PLA2G6: variants seen among roughly 807,000 people sequenced by gnomAD.
PLA2G6 encodes 85/88 kDa calcium-independent phospholipase A2.
PLA2G6 carries 62 observed loss-of-function variants against 83.8 expected under a neutral mutation model. The observed-to-expected ratio is 0.74, with a 90% confidence interval of 0.60 to 0.91. The LOEUF (loss-of-function observed/expected upper bound fraction) is 0.91. PLA2G6 is among the 40% of genes least tolerant of loss of function. The pLI is 0.00. For synonymous variants in PLA2G6, 417 were observed against 449.8 expected (o/e 0.93, Z 0.92); for missense variants, 944 against 1,102.0 (o/e 0.86, Z 2.03).
intron 1 of PLA2G6, chr22:38,180,420 C>T (rs1428485092): frequency 6.6e-6 from 1 of 152,168 alleles, no homozygotes; most frequent in Non-Finnish European, 1.5e-5. Flanking sequence ...CTCTTTTTCT[C>T]ATGTGAAGTG....
intron 4 of PLA2G6, chr22:38,142,365 G>C (rs554258144): frequency 2.9e-4 from 44 of 152,768 alleles, no homozygotes; most frequent in African/African-American, 1.0e-3. Context: ...ATATGAAATA[G>C]CTATTTAATA....
Position 38,145,539 on chromosome 22 carries a change from C to A in PLA2G6, c.324G>T (p.Gln108His). The change falls in exon 3 of 17, where the codon CAG (glutamine) becomes CAT (histidine). Residue 108 changes from glutamine (Q) to histidine (H), a missense_variant. By Grantham distance (24) the Gln-to-His change is conservative. Transcript: ENST00000332509. ...GGTTACGGATGAGGTCGGTCAGGTGCTGCAGGACCTCAGTGTGCAGGACCT... is the reference window on the plus strand; with the variant it reads ...GGTTACGGATGAGGTCGGTCAGGTGATGCAGGACCTCAGTGTGCAGGACCT... ...SPQVLHTEVL[Q>H]HLTDLIRNHP... 1 of 1,613,784 alleles carries A rather than the reference C, an allele frequency of 6.2e-7. No individual in the cohort carries two copies. Among genetic ancestry groups the A allele is most frequent in the Non-Finnish European group, 8.5e-7 (1 of 1,179,912 alleles).
intron 1 of PLA2G6, among the ~76,000 whole-genome samples, chr22:38,177,254 G>A (rs1425669483): frequency 6.6e-6 from 1 of 151,922 alleles, no homozygotes; most frequent in African/African-American, 2.4e-5. Context: ...GAACACAGGG[G>A]TCATCTGAGC....
intron 12 of PLA2G6, among the ~76,000 whole-genome samples, chr22:38,118,373 G>A (rs1453835825): frequency 6.6e-6 from 1 of 152,142 alleles, no homozygotes; most frequent in Non-Finnish European, 1.5e-5. Context: ...ATGGGTATAC[G>A]CCTAAGCTAA....
chr22:38,132,555 G>A lies in PLA2G6; in HGVS notation c.1077+276C>T, dbSNP rs1461710343. The A allele has an allele frequency of 9.0e-6, 5 of 552,526 alleles. No individual in the cohort carries two copies. The East Asian group carries it at 1.5e-4, about 17-fold the overall frequency. 34.2% of individuals were successfully genotyped at this position (552,526 alleles called of 1,614,324 possible). ...TCAGGGCCAGTCTATGGCCAGAGCT[G>A]TCATTTTTCCCTCTCGTGCCATGCA... On this transcript the variant is annotated intron_variant, in intron 7 of 16. Transcript: ENST00000332509. The surrounding 1 kb of genome is among the most constrained non-coding windows in gnomAD (Gnocchi z 5.0).
In PLA2G6 at chr22:38,169,149, A is replaced by G. The variant is rs1021188312; in HGVS notation, c.209+69T>C. On this transcript the variant is annotated intron_variant, in intron 2 of 16. Coordinates refer to ENST00000332509, the MANE Select transcript of PLA2G6 (RefSeq NM_003560.4). ...ACTCAAAGAAACTGCTTCTCGGCCA[A>G]TAAGACCTCCAATCCGAGACGTGGG... The G allele has an allele frequency of 3.2e-6, 4 of 1,248,878 alleles. No homozygotes were observed. In the African/African-American group the frequency reaches 4.5e-5, roughly 14 times the overall value. 77.4% of individuals were successfully genotyped at this position (1,248,878 alleles called of 1,614,324 possible). A position where few individuals can be genotyped will look rare whatever the true frequency, so the allele number is the denominator to read the frequency against.
At chr22:38,119,961 G>GA (rs1421660222) in intron 12 of PLA2G6, among the ~76,000 whole-genome samples, 2 of 146,062 alleles carry the variant, frequency 1.4e-5, no homozygotes, top group East Asian at 3.9e-4. Flanking sequence ...CCACAGAGCA[G>GA]AAAGACAAGC....
intron 2 of PLA2G6, among the ~76,000 whole-genome samples, chr22:38,153,355 G>A (rs896481191): frequency 6.6e-6 from 1 of 152,188 alleles, no homozygotes. Context: ...CCCTGTCTGG[G>A]AAGTGAGGAG....
chr22:38,162,208 C>CAAAAA (rs1162906670), intron 2 of PLA2G6, among the ~76,000 whole-genome samples: 1 of 74,498 alleles, frequency 1.3e-5, no homozygotes, highest in African/African-American at 5.9e-5. Flanking sequence ...GACTCTGTGT[C>CAAAAA]AAAAAAAAAA....
intron 2 of PLA2G6, chr22:38,146,497 T>C (rs950300334): frequency 6.6e-6 from 1 of 152,124 alleles, no homozygotes; most frequent in Non-Finnish European, 1.5e-5. Flanking sequence ...TTTTCCTTTA[T>C]TTTGAAAAAC....
intron 1 of PLA2G6, among the ~76,000 whole-genome samples, chr22:38,177,994 C>T (rs1460254457): frequency 5.3e-5 from 8 of 152,258 alleles, no homozygotes; most frequent in African/African-American, 1.4e-4. Flanking sequence ...CCAAGGCCCT[C>T]GTCTCAAAAT....
rs1316621004 is a variant in PLA2G6, at chr22:38,155,117, C to T, written c.210-9464G>A. Reference sequence around the variant, plus strand: ...TGGCGGGCGCCTGTAATCCCAGCTACTCGGGAGGCTGAGGCAGAAGAATGG... The same window carrying T: ...TGGCGGGCGCCTGTAATCCCAGCTATTCGGGAGGCTGAGGCAGAAGAATGG... On this transcript the variant is annotated intron_variant, in intron 2 of 16. Transcript: ENST00000332509. 5.9e-5 allele frequency among the ~76,000 whole-genome samples: 9 copies of T among 152,158 alleles called. No homozygotes were observed. The East Asian group carries it at 1.7e-3, about 29-fold the overall frequency.
In PLA2G6 at chr22:38,120,890, C is replaced by A; in HGVS notation, c.1611G>T (p.Met537Ile). 1.2e-6 allele frequency: 2 copies of A among 1,613,694 alleles called. No homozygotes were observed. Among genetic ancestry groups the A allele is most frequent in the South Asian group, 1.1e-5 (1 of 91,090 alleles). The stretch of plus-strand genomic sequence containing the variant: ...CCTTCATGCGAAAGTACATGCCGCG[C>A]ATGTAGGCCATGGACTTACCTAGGA... ...AILHSKSMAY[M>I]RGMYFRMKDE... is the part of the protein sequence containing the mutation. The change falls in exon 12 of 17, where the codon ATG becomes ATT. Residue 537 changes from methionine (M) to isoleucine (I), a missense_variant. Met to Ile is a conservative substitution (Grantham distance 10). Coordinates refer to ENST00000332509, the MANE Select transcript of PLA2G6 (RefSeq NM_003560.4).
intron 14 of PLA2G6, among the ~76,000 whole-genome samples, chr22:38,114,297 C>T (rs1015820197): frequency 6.6e-6 from 1 of 152,058 alleles, no homozygotes; most frequent in African/African-American, 2.4e-5. Flanking sequence ...TCTCCTGCCT[C>T]AGCATCCCGA....
chr22:38,120,651 C>T lies in PLA2G6; in HGVS notation c.1742+108G>A, dbSNP rs907514963. The T allele has an allele frequency of 1.7e-4, 230 of 1,357,614 alleles. 1 individual carries two copies. The highest frequency in any genetic ancestry group is 2.3e-4 in the Non-Finnish European group (223 of 959,500). 84.1% of individuals were successfully genotyped at this position (1,357,614 alleles called of 1,614,324 possible). A position where few individuals can be genotyped will look rare whatever the true frequency, so the allele number is the denominator to read the frequency against. On this transcript the variant is annotated intron_variant, in intron 12 of 16. Coordinates refer to ENST00000332509, the MANE Select transcript of PLA2G6 (RefSeq NM_003560.4). ...GGGGGTTCCCTCTGCTCCCCTCAAG[C>T]GTGGGGCGCTCTTCCCCCTCCCTCA... is the stretch of plus-strand genomic sequence containing the variant.
At chr22:38,171,817 G>A (rs1253532144) in intron 1 of PLA2G6, among the ~76,000 whole-genome samples, 15 of 142,990 alleles carry the variant, frequency 1.0e-4, no homozygotes, top group African/African-American at 3.7e-4. Flanking sequence ...TGAAGACTCC[G>A]TCTCAGAAAA....
At chr22:38,127,678 C>T (rs1053327181) in intron 9 of PLA2G6, among the ~76,000 whole-genome samples, 3 of 152,180 alleles carry the variant, frequency 2.0e-5, no homozygotes, top group African/African-American at 4.8e-5. Flanking sequence ...CGCTCCCAAA[C>T]AATGGAGGTC....
intron 6 of PLA2G6, 145 bp downstream of exon 6, chr22:38,134,843 T>C: frequency 1.1e-5 from 7 of 627,894 alleles, no homozygotes; most frequent in South Asian, 1.8e-5. Context: ...CAGCTCTTCA[T>C]GGACTTCTCT....
At chr22:38,179,757 A>G (rs1246581220) in intron 1 of PLA2G6, among the ~76,000 whole-genome samples, 5 of 152,116 alleles carry the variant, frequency 3.3e-5, no homozygotes, top group Admixed American at 6.5e-5. Flanking sequence ...TGGGTGACAG[A>G]GTGAGACTCT....
Sources: gnomAD v4.1 joint callset for allele counts (sites outside exome capture counted in the v4.1 genomes callset) on GRCh38, gnomAD v4.1.1 for gene constraint, Gnocchi (gnomAD v3.1) non-coding constraint, MANE v1.5 for transcripts, NCBI Gene and HGNC (gene_info 2026-07-23, HGNC 2026-07-21) for gene names.